The following KCNG3 variants were observed in gnomAD, a reference collection of about 807,000 sequenced individuals.
The protein encoded by KCNG3 is voltage-gated potassium channel regulatory subunit KCNG3.
In KCNG3, 15 loss-of-function variants were observed where a neutral mutation model predicts 29.0. That is an observed-to-expected ratio of 0.52 (90% CI 0.35 to 0.80). The LOEUF (loss-of-function observed/expected upper bound fraction) is 0.80, where lower values mean the gene tolerates loss of function less well. Ranked by LOEUF, KCNG3 falls within the 30% of genes least tolerant of loss-of-function variation. The probability of loss-of-function intolerance (pLI) is 0.01; values close to 1 mark genes in which losing one functional copy is unlikely to be tolerated. For missense variants in KCNG3, 512 were observed against 605.7 expected (o/e 0.85, Z 1.62); for synonymous variants, 322 against 248.9 (o/e 1.29, Z -2.76).
chr2:42,457,627 T>TCACACACACACACACACACACA (rs56251665), intron 1 of KCNG3, among the ~76,000 whole-genome samples: 3 of 125,434 alleles, frequency 2.4e-5, no homozygotes, highest in Non-Finnish European at 3.3e-5. Context: ...CAGGCAGATC[T>TCACACACACACACACACACACA]CACACACACA....
At chr2:42,434,434 G>A in the KCNG3 span, among the ~76,000 whole-genome samples, 1 of 112,908 alleles carries the variant, frequency 8.9e-6, no homozygotes, top group Non-Finnish European at 1.6e-5. Context: ...ACTCCAGCCT[G>A]GGCAACAGAG....
At chr2:42,439,895 G>A (rs529231730), downstream of KCNG3, among the ~76,000 whole-genome samples, 103 of 152,066 alleles carry the variant, frequency 6.8e-4, no homozygotes, top group Non-Finnish European at 1.1e-3. Flanking sequence ...CACCCGCCTC[G>A]GCCTCCCAAA....
chr2:42,472,837 G>T (rs1414059003), intron 1 of KCNG3, among the ~76,000 whole-genome samples: 2 of 147,122 alleles, frequency 1.4e-5, no homozygotes, highest in African/African-American at 2.5e-5. Context: ...TCTATATATA[G>T]ATATCTATGT....
chr2:42,412,882 T>A, the KCNG3 span, among the ~76,000 whole-genome samples: 2 of 152,070 alleles, frequency 1.3e-5, no homozygotes, highest in Non-Finnish European at 2.9e-5. Context: ...CTTTTTCCAT[T>A]CCTTTATTTT....
At chr2:42,426,496 T>C in the KCNG3 span, among the ~76,000 whole-genome samples, 1 of 152,314 alleles carries the variant, frequency 6.6e-6, no homozygotes, top group African/African-American at 2.4e-5. Context: ...TAGTTATGTA[T>C]ATACAGTGAA....
chr2:42,388,572 T>C, the KCNG3 span: 1 of 152,184 alleles, frequency 6.6e-6, no homozygotes, highest in African/African-American at 2.4e-5. Context: ...CGGCTGCCTT[T>C]TCGCTGTGTG....
intron 1 of KCNG3, among the ~76,000 whole-genome samples, chr2:42,449,983 C>T (rs1303185977): frequency 6.6e-6 from 1 of 152,130 alleles, no homozygotes; most frequent in Non-Finnish European, 1.5e-5. Context: ...TGTGCTCTTT[C>T]CATTCTGAAG....
intron 1 of KCNG3, among the ~76,000 whole-genome samples, chr2:42,446,083 C>T (rs941405288): frequency 6.6e-6 from 1 of 152,098 alleles, no homozygotes; most frequent in Non-Finnish European, 1.5e-5. Flanking sequence ...CCCCAGCCCT[C>T]AGCCCATAAA....
the KCNG3 span, among the ~76,000 whole-genome samples, chr2:42,397,397 GAC>G: frequency 1.3e-5 from 2 of 152,142 alleles, no homozygotes; most frequent in Non-Finnish European, 2.9e-5. Flanking sequence ...GTACCTGAAA[GAC>G]ACACCATAGA....
chr2:42,464,999 A>G (rs1356507525), intron 1 of KCNG3, among the ~76,000 whole-genome samples: 1 of 152,222 alleles, frequency 6.6e-6, no homozygotes. Context: ...ATGGTACAAA[A>G]AATTTAATCA....
chr2:42,449,453 A>G (rs1558374888), intron 1 of KCNG3, among the ~76,000 whole-genome samples: 2 of 150,638 alleles, frequency 1.3e-5, no homozygotes, highest in African/African-American at 2.4e-5. Context: ...TGCAAAACCT[A>G]AAGTACCTAC....
chr2:42,440,217 T>G (rs988473956), downstream of KCNG3, among the ~76,000 whole-genome samples: 3 of 152,182 alleles, frequency 2.0e-5, no homozygotes, highest in Non-Finnish European at 4.4e-5. Flanking sequence ...ATAAAATGAT[T>G]AGACTATGTC....
At chr2:42,388,383 A>G in the KCNG3 span, 1 of 152,246 alleles carries the variant, frequency 6.6e-6, no homozygotes, top group Non-Finnish European at 1.5e-5. Flanking sequence ...TCTTTAAATA[A>G]TAAAGCAATT....
At chr2:42,399,875 C>G in the KCNG3 span, among the ~76,000 whole-genome samples, 1 of 152,142 alleles carries the variant, frequency 6.6e-6, no homozygotes, top group Non-Finnish European at 1.5e-5. Context: ...GGGTCTGACT[C>G]CTGCCTTAGA....
chr2:42,392,960 T>C, the KCNG3 span, among the ~76,000 whole-genome samples: 2 of 152,096 alleles, frequency 1.3e-5, no homozygotes, highest in Non-Finnish European at 2.9e-5. Flanking sequence ...TCAGTTAGGA[T>C]TGGGTTCAGC....
intron 1 of KCNG3, among the ~76,000 whole-genome samples, chr2:42,462,415 T>C (rs1673041694): frequency 6.6e-6 from 1 of 152,222 alleles, no homozygotes; most frequent in African/African-American, 2.4e-5. Context: ...AAAAGATCCC[T>C]TAGCCGGGTG....
At chr2:42,402,650 T>C in the KCNG3 span, among the ~76,000 whole-genome samples, 1 of 152,266 alleles carries the variant, frequency 6.6e-6, no homozygotes, top group Admixed American at 6.5e-5. Context: ...TTACCATTTA[T>C]TGAACATCCA....
intron 1 of KCNG3, among the ~76,000 whole-genome samples, chr2:42,464,675 C>T (rs1673098259): frequency 6.6e-6 from 1 of 152,162 alleles, no homozygotes; most frequent in Non-Finnish European, 1.5e-5. Flanking sequence ...CTTGCCTTTG[C>T]ACATCTACCC....
At chr2:42,460,087 G>A (rs1349033642) in intron 1 of KCNG3, among the ~76,000 whole-genome samples, 1 of 152,146 alleles carries the variant, frequency 6.6e-6, no homozygotes. Context: ...TTTTAAGCCA[G>A]GCAAGGTGGC....
Sources: gnomAD v4.1 joint callset for allele counts (sites outside exome capture counted in the v4.1 genomes callset) on GRCh38, gnomAD v4.1.1 for gene constraint, MANE v1.5 for transcripts, NCBI Gene and HGNC (gene_info 2026-07-23, HGNC 2026-07-21) for gene names.